Variants in VPS8 observed in about 807,000 individuals in gnomAD.
VPS8 encodes the protein VPS8 subunit of CORVET complex.
VPS8 carries 129 observed loss-of-function variants against 216.4 expected under a neutral mutation model. That is an observed-to-expected ratio of 0.60 (90% CI 0.52 to 0.69). VPS8 has a LOEUF of 0.69. Among genes scored for constraint, VPS8 ranks in the 30% least tolerant of loss-of-function variants. The pLI is 0.00. For synonymous variants in VPS8, 571 were observed against 565.4 expected, an observed-to-expected ratio of 1.01 and a Z score of -0.14; for missense variants, 1,531 against 1,683.5, an observed-to-expected ratio of 0.91 and a Z score of 1.59.
chr3:184,952,559 A>C (rs1744900693), intron 36 of VPS8, among the ~76,000 whole-genome samples: 1 of 147,228 alleles, frequency 6.8e-6, no homozygotes, highest in South Asian at 2.2e-4. Context: ...GGTAAAGGGA[A>C]TAGTAATTTA....
In VPS8 at chr3:184,866,616, T is replaced by C. The variant is rs530546291; in HGVS notation, c.1396-260T>C. Among the ~76,000 whole-genome samples, 3 of 152,340 alleles carry C rather than the reference T, an allele frequency of 2.0e-5. 1 individual carries two copies. In the East Asian group the frequency reaches 5.8e-4, roughly 29 times the overall value. ...AACAAAAATAATGTGTTGTGAAGTT[T>C]ATGATCTATAGAAGCAATATATATA... On this transcript the variant is annotated intron_variant, in intron 16 of 47. Coordinates refer to ENST00000625842, the MANE Select transcript of VPS8 (RefSeq NM_001009921.3).
chr3:184,963,831 G>C (rs899134651), intron 37 of VPS8, among the ~76,000 whole-genome samples: 14 of 152,050 alleles, frequency 9.2e-5, no homozygotes, highest in African/African-American at 3.1e-4. Context: ...TCATGATTCG[G>C]TGCTGTATTT....
chr3:184,821,199 T>C (rs1286714693), intron 1 of VPS8, among the ~76,000 whole-genome samples: 1 of 152,012 alleles, frequency 6.6e-6, no homozygotes, highest in Non-Finnish European at 1.5e-5. Flanking sequence ...GAGCCAGGAC[T>C]CTCAATTTTA....
intron 40 of VPS8, among the ~76,000 whole-genome samples, chr3:184,977,840 G>A (rs1000521630): frequency 6.9e-6 from 1 of 144,006 alleles, no homozygotes; most frequent in Non-Finnish European, 1.5e-5. Context: ...GAGGACCTTT[G>A]CATGTATGTT....
chr3:184,965,559 G>A (rs1438883295), intron 38 of VPS8, among the ~76,000 whole-genome samples: 1 of 152,202 alleles, frequency 6.6e-6, no homozygotes, highest in Non-Finnish European at 1.5e-5. Flanking sequence ...GTAATATATA[G>A]GCAGGTCAGG....
chr3:184,915,214 G>C, intron 27 of VPS8, 141 bp from the exon 28 acceptor site: 1 of 1,340,018 alleles, frequency 7.5e-7, no homozygotes, highest in Non-Finnish European at 1.0e-6. Flanking sequence ...AGCTGAGAAA[G>C]AATTTAAGAG....
intron 3 of VPS8, among the ~76,000 whole-genome samples, chr3:184,827,810 A>G (rs967833071): frequency 2.6e-5 from 4 of 152,166 alleles, no homozygotes; most frequent in African/African-American, 9.7e-5. Flanking sequence ...ATGGTGTTAG[A>G]TGTTGGGGTT....
chr3:184,928,384 G>A, intron 31 of VPS8, 67 bp from the exon 32 acceptor site: 5 of 1,367,890 alleles, frequency 3.7e-6, no homozygotes, highest in Non-Finnish European at 4.9e-6. Flanking sequence ...AGTCTGCATG[G>A]CTGAATGCAC....
rs1733037716 is a variant in VPS8, at chr3:184,894,603, T to G, written c.1782-100T>G. ...TTGCCATTTTAAATAAACTCATGAG[T>G]AAGTTGAAGTAGGGAAAAGATGAGA... is the stretch of plus-strand genomic sequence containing the variant. On this transcript the variant is annotated intron_variant, in intron 22 of 47. Transcript: ENST00000625842. The G allele has an allele frequency of 5.5e-6, 5 of 903,420 alleles. No individual in the cohort carries two copies. In the South Asian group the frequency reaches 7.1e-5, roughly 13 times the overall value. 56.0% of individuals were successfully genotyped at this position (903,420 alleles called of 1,614,324 possible).
At chr3:185,022,896 T>G (rs1756853495) in intron 45 of VPS8, among the ~76,000 whole-genome samples, 1 of 152,204 alleles carries the variant, frequency 6.6e-6, no homozygotes, top group Non-Finnish European at 1.5e-5. Context: ...ATCCTTTATT[T>G]TAAACCTTTC....
intron 45 of VPS8, among the ~76,000 whole-genome samples, chr3:185,016,432 A>G (rs1443963718): frequency 4.6e-5 from 7 of 152,220 alleles, no homozygotes; most frequent in Non-Finnish European, 1.0e-4. Flanking sequence ...GAGTGGGTTC[A>G]ATTGCTTGTC....
chr3:184,965,412 A>G (rs1577004913), intron 38 of VPS8, among the ~76,000 whole-genome samples: 1 of 152,190 alleles, frequency 6.6e-6, no homozygotes, highest in East Asian at 1.9e-4. Context: ...AAATAAGAGT[A>G]TTTCTGACAT....
intron 25 of VPS8, 80 bp downstream of exon 25, chr3:184,901,052 A>G (rs1734395074): frequency 8.2e-7 from 1 of 1,219,322 alleles, no homozygotes; most frequent in South Asian, 1.3e-5. Flanking sequence ...GGCCAATTAT[A>G]TGTGTGCAGT....
intron 16 of VPS8, among the ~76,000 whole-genome samples, chr3:184,865,599 G>A: frequency 6.6e-6 from 1 of 152,186 alleles, no homozygotes; most frequent in East Asian, 1.9e-4. Flanking sequence ...ACAAGTGTTG[G>A]CAAGGATGTG....
chr3:184,907,042 G>T (rs1316337376), intron 25 of VPS8, among the ~76,000 whole-genome samples: 3 of 152,178 alleles, frequency 2.0e-5, no homozygotes, highest in African/African-American at 4.8e-5. Context: ...CCGTGACACA[G>T]CCTCAGGGTC....
intron 36 of VPS8, 72 bp from the exon 37 acceptor site, chr3:184,957,302 G>A (rs1745767751): frequency 6.9e-7 from 1 of 1,454,426 alleles, no homozygotes; most frequent in Non-Finnish European, 9.3e-7. Flanking sequence ...GCTTTTTACT[G>A]GTAGCTTTTA....
intron 37 of VPS8, among the ~76,000 whole-genome samples, chr3:184,962,053 C>T (rs1576994774): frequency 6.6e-6 from 1 of 152,236 alleles, no homozygotes; most frequent in East Asian, 1.9e-4. Flanking sequence ...TGAGCCAGTG[C>T]ACCCGGCCAC....
chr3:184,842,046 A>C (rs1722236085), intron 7 of VPS8, among the ~76,000 whole-genome samples: 1 of 151,856 alleles, frequency 6.6e-6, no homozygotes, highest in South Asian at 2.1e-4. Flanking sequence ...ACTTCTCCTC[A>C]CCTCTATCTG....
chr3:184,847,665 T>G (rs1440364935), intron 8 of VPS8, among the ~76,000 whole-genome samples: 2 of 152,226 alleles, frequency 1.3e-5, no homozygotes, highest in Admixed American at 1.3e-4. Context: ...AGGCATGCAT[T>G]CTGACATTTA....
Sources: gnomAD v4.1 joint callset for allele counts (sites outside exome capture counted in the v4.1 genomes callset) on GRCh38, gnomAD v4.1.1 for gene constraint, MANE v1.5 for transcripts, NCBI Gene and HGNC (gene_info 2026-07-23, HGNC 2026-07-21) for gene names.